The following ANK2 variants were observed in gnomAD, a reference collection of about 807,000 sequenced individuals.
ANK2 encodes the protein ankyrin-2.
A neutral mutation model predicts 360.5 loss-of-function variants in ANK2; 83 were observed. The observed-to-expected ratio is 0.23, with a 90% CI of 0.19 to 0.28. The LOEUF (loss-of-function observed/expected upper bound fraction) is 0.28, where lower values mean the gene tolerates loss of function less well. Ranked by LOEUF, ANK2 falls within the 10% of genes least tolerant of loss-of-function variation. ANK2 has a pLI of 1.00. For missense variants in ANK2, 4,201 were observed against 4,795.7 expected, an observed-to-expected ratio of 0.88 and a Z score of 3.66; for synonymous variants, 1,740 against 1,759.5, an observed-to-expected ratio of 0.99 and a Z score of 0.28.
At chr4:112,850,447 T>TC (rs2064559958) in intron 1 of ANK2, among the ~76,000 whole-genome samples, 2 of 70,852 alleles carry the variant, frequency 2.8e-5, no homozygotes, top group African/African-American at 9.4e-5. Flanking sequence ...GTTCGTTTCT[T>TC]TTTTTTTTTT....
At chr4:113,145,144 A>G (rs2096781362) in intron 1 of ANK2, among the ~76,000 whole-genome samples, 1 of 152,214 alleles carries the variant, frequency 6.6e-6, no homozygotes, top group Non-Finnish European at 1.5e-5. Flanking sequence ...ATGAATAATG[A>G]CAAACTACAC....
chr4:113,380,491 T>C (rs1220463202), intron 45 of ANK2, among the ~76,000 whole-genome samples: 11 of 152,110 alleles, frequency 7.2e-5, no homozygotes, highest in Non-Finnish European at 1.6e-4. Context: ...CAAAACCCTG[T>C]CTCTACTAAA....
the ANK2 span, among the ~76,000 whole-genome samples, chr4:112,778,575 G>T: frequency 3.3e-5 from 5 of 152,190 alleles, no homozygotes; most frequent in African/African-American, 2.4e-5. Flanking sequence ...ATAGAAGAAT[G>T]CACAGTCCTT....
intron 1 of ANK2, among the ~76,000 whole-genome samples, chr4:112,820,408 A>G (rs952382543): frequency 6.6e-6 from 1 of 152,228 alleles, no homozygotes; most frequent in African/African-American, 2.4e-5. Context: ...ACTAGAACTC[A>G]GATTGCCTGA....
intron 1 of ANK2, among the ~76,000 whole-genome samples, chr4:113,052,285 A>T (rs1174557222): frequency 1.3e-5 from 2 of 152,194 alleles, no homozygotes; most frequent in African/African-American, 2.4e-5. Context: ...TCAATGTCAC[A>T]TCACTTCAAT....
chr4:112,750,048 G>A, the ANK2 span, among the ~76,000 whole-genome samples: 3 of 152,104 alleles, frequency 2.0e-5, no homozygotes, highest in Non-Finnish European at 4.4e-5. Flanking sequence ...CTGGCATCTA[G>A]CTGTAGGTAA....
At chr4:112,811,892 G>A in the ANK2 span, among the ~76,000 whole-genome samples, 2 of 152,020 alleles carry the variant, frequency 1.3e-5, no homozygotes, top group African/African-American at 4.8e-5. Flanking sequence ...TGGCTAACAC[G>A]GTGAAACCCC....
the ANK2 span, chr4:112,797,492 A>G: frequency 5.9e-6 from 1 of 169,544 alleles, no homozygotes; most frequent in Non-Finnish European, 1.4e-5. Context: ...GCAAAAAGTG[A>G]TACAAGTTTG....
intron 13 of ANK2, among the ~76,000 whole-genome samples, chr4:113,264,489 A>C (rs2054787743): frequency 6.6e-6 from 1 of 152,198 alleles, no homozygotes; most frequent in African/African-American, 2.4e-5. Context: ...TGTTCGGATA[A>C]ATTTACTAGT....
chr4:112,796,034 A>G, the ANK2 span, among the ~76,000 whole-genome samples: 1 of 149,728 alleles, frequency 6.7e-6, no homozygotes, highest in Admixed American at 6.7e-5. Context: ...TCCTGGACTC[A>G]AGTGGTCCAC....
the ANK2 span, among the ~76,000 whole-genome samples, chr4:112,712,649 C>T: frequency 1.3e-5 from 2 of 151,832 alleles, no homozygotes; most frequent in Middle Eastern, 3.4e-3. Flanking sequence ...CCTCATGATC[C>T]GCCCACCTTG....
intron 10 of ANK2, among the ~76,000 whole-genome samples, chr4:113,253,159 G>T (rs2047392483): frequency 6.6e-6 from 1 of 152,150 alleles, no homozygotes; most frequent in Non-Finnish European, 1.5e-5. Flanking sequence ...TGGTGTGATT[G>T]CTTGGTCCTG....
In ANK2 at chr4:112,890,786, C is replaced by T. The variant is rs563877574; in HGVS notation, c.-39-13669C>T. On this transcript the variant is annotated intron_variant, in intron 1 of 30. Transcript: ENST00000503271. ...TTTTCCATGTTGGTCAGGCTGGTCT[C>T]GAACTCCTGACCTCAGGTGATCTGC... Among the ~76,000 whole-genome samples, 7 of 152,012 alleles carry T rather than the reference C, an allele frequency of 4.6e-5. No individual in the cohort carries two copies. In the South Asian group the frequency reaches 6.2e-4, roughly 14 times the overall value.
intron 11 of ANK2, 105 bp downstream of exon 11, chr4:113,256,037 A>G: frequency 7.5e-7 from 1 of 1,341,466 alleles, no homozygotes; most frequent in South Asian, 1.2e-5. Flanking sequence ...ACAGATATGT[A>G]GTTAATCCTG....
In ANK2 at chr4:112,996,708, C is replaced by T. The variant is rs115593422; in HGVS notation, c.21+92194C>T. Among the ~76,000 whole-genome samples, 413 of 152,182 alleles carry T rather than the reference C, an allele frequency of 2.7e-3. 3 individuals carry two copies. The highest frequency in any genetic ancestry group is 9.6e-3 in the African/African-American group (400 of 41,526). On this transcript the variant is annotated intron_variant, in intron 2 of 30. Coordinates refer to the ANK2 transcript ENST00000503271. ...ACATCATGAAGAATGAGGTATCCAT[C>T]CCTTTAAGCATTTGTCCTTTGAGTT...
intron 2 of ANK2, among the ~76,000 whole-genome samples, chr4:113,178,548 C>T (rs767361863): frequency 2.8e-5 from 4 of 143,656 alleles, no homozygotes; most frequent in East Asian, 2.0e-4. Flanking sequence ...CTCTAGCCTG[C>T]GCGATAGAGT....
At chr4:113,156,206 T>C (rs563087452) in intron 1 of ANK2, among the ~76,000 whole-genome samples, 1 of 152,146 alleles carries the variant, frequency 6.6e-6, no homozygotes, top group East Asian at 1.9e-4. Flanking sequence ...TGATAATCTA[T>C]CCATAGACTA....
chr4:113,344,754 A>C (rs1328036576), intron 34 of ANK2, among the ~76,000 whole-genome samples: 2 of 152,234 alleles, frequency 1.3e-5, no homozygotes, highest in Non-Finnish European at 1.5e-5. Flanking sequence ...AATAAGCTAG[A>C]CACAAAAGGA....
At chr4:113,303,270 A>AT (rs1314902546) in intron 23 of ANK2, among the ~76,000 whole-genome samples, 1 of 152,248 alleles carries the variant, frequency 6.6e-6, no homozygotes, top group East Asian at 1.9e-4. Flanking sequence ...AAATCTCTGT[A>AT]TTCTGGTTGG....
Sources: allele counts gnomAD v4.1 joint callset (sites outside exome capture counted in the v4.1 genomes callset), GRCh38; gene constraint gnomAD v4.1.1; transcripts MANE v1.5; gene names NCBI Gene and HGNC (gene_info 2026-07-23, HGNC 2026-07-21).